The following CFAP251 variants were observed in gnomAD, a reference collection of about 807,000 sequenced individuals.
CFAP251 encodes cilia and flagella associated protein 251, also known as cilia- and flagella-associated protein 251.
Under a neutral mutation model 126.7 loss-of-function variants are expected in CFAP251, and 93 were observed. The ratio of observed to expected loss-of-function variants is 0.73; its 90% confidence interval spans 0.62 to 0.87. The LOEUF is 0.87. CFAP251 is among the 40% of genes least tolerant of loss of function. The pLI is 0.00. For synonymous variants in CFAP251, 503 were observed against 506.9 expected, an observed-to-expected ratio of 0.99 and a Z score of 0.10; for missense variants, 1,287 against 1,389.2, an observed-to-expected ratio of 0.93 and a Z score of 1.17.
At chr12:121,991,352 C>G (rs1882870598) in intron 19 of CFAP251, among the ~76,000 whole-genome samples, 1 of 152,226 alleles carries the variant, frequency 6.6e-6, no homozygotes, top group Admixed American at 6.5e-5. Context: ...CCCATTATTA[C>G]TCTCTACTGA....
In CFAP251 at chr12:122,001,564, A is replaced by T; in HGVS notation, c.3303A>T (p.Gly1101=). 1 of 1,614,044 alleles carries T rather than the reference A, an allele frequency of 6.2e-7. No individual in the cohort carries two copies. The highest frequency in any genetic ancestry group is 1.1e-5 in the South Asian group (1 of 91,072). The change falls in exon 21 of 22, where the codon GGA becomes GGT. Residue 1101 remains glycine (G), a synonymous_variant. Coordinates refer to ENST00000288912, the MANE Select transcript of CFAP251 (RefSeq NM_144668.6). ...FASLFGLNPE[G]WKSEPATCSV... Reference sequence around the variant, plus strand: ...CACTGTTTGGCCTGAATCCCGAGGGATGGAAATCCGAGCCTGCAACCTGCT... The same window carrying T: ...CACTGTTTGGCCTGAATCCCGAGGGTTGGAAATCCGAGCCTGCAACCTGCT...
chr12:121,957,686 A>G (rs1297145681), intron 11 of CFAP251, among the ~76,000 whole-genome samples: 1 of 141,426 alleles, frequency 7.1e-6, no homozygotes, highest in African/African-American at 2.7e-5. Flanking sequence ...CCTGGGCGAC[A>G]GAGCGAGACT....
In CFAP251 at chr12:121,942,925, G is replaced by T. The variant is rs1216001603; in HGVS notation, c.1141G>T (p.Val381Leu). 3 of 1,614,080 alleles carry T rather than the reference G, an allele frequency of 1.9e-6. No homozygotes were observed. The highest frequency in any genetic ancestry group is 2.5e-6 in the Non-Finnish European group (3 of 1,180,044). ...KVCIWKWTLA[V>L]ETPACTLELP... ...ATGCATCTGGAAGTGGACTTTGGCA[G>T]TGGAAACGCCAGCATGCACTCTCGA... The change falls in exon 7 of 22, where the codon GTG (valine) becomes TTG (leucine). Residue 381 changes from valine (V) to leucine (L), a missense_variant. By Grantham distance (32) the Val-to-Leu change is conservative. Transcript: ENST00000288912.
Position 121,975,572 on chromosome 12 carries a change from C to G in CFAP251, c.2893C>G (p.Leu965Val). 1 of 1,607,380 alleles carries G rather than the reference C, an allele frequency of 6.2e-7. No individual in the cohort carries two copies. Among genetic ancestry groups the G allele is most frequent in the Non-Finnish European group, 8.5e-7 (1 of 1,178,418 alleles). Residue 965 changes from leucine (L) to valine (V), a missense_variant, in exon 19 of 22, where the codon CTC becomes GTC. Transcript: ENST00000288912. ...ELEDYFYYSQ[L>V]RSQGIDTMET... ...AGAAGACTACTTCTACTATTCTCAG[C>G]TCCGCAGTCAAGGCATCGACACAAT...
chr12:121,964,638 G>T (rs541127601), intron 15 of CFAP251, among the ~76,000 whole-genome samples: 1 of 152,248 alleles, frequency 6.6e-6, no homozygotes, highest in South Asian at 2.1e-4. Context: ...GGGCGTGGTG[G>T]CTCACGCCCC....
Position 121,934,208 on chromosome 12 carries a change from T to A in CFAP251, c.889-39T>A, listed in dbSNP as rs576542314. 22 of 1,550,198 alleles carry A rather than the reference T, an allele frequency of 1.4e-5. No homozygotes were observed. In the East Asian group the frequency reaches 5.0e-4, roughly 35 times the overall value. On this transcript the variant is annotated intron_variant, in intron 4 of 21. Coordinates refer to ENST00000288912, the MANE Select transcript of CFAP251 (RefSeq NM_144668.6). ...TGATAGTGGCCAAGGCTGGGCCGCA[T>A]CTTGGATGTTTCAAAGCGTTTTCTC...
At chr12:121,986,816 G>A (rs190675733) in intron 19 of CFAP251, among the ~76,000 whole-genome samples, 3 of 151,688 alleles carry the variant, frequency 2.0e-5, no homozygotes, top group Admixed American at 2.0e-4. Flanking sequence ...TAAATAAAAG[G>A]CCGTTTCATT....
intron 17 of CFAP251, among the ~76,000 whole-genome samples, chr12:121,971,389 G>A (rs1222084631): frequency 6.6e-6 from 1 of 152,248 alleles, no homozygotes; most frequent in Non-Finnish European, 1.5e-5. Context: ...GCATGCCTCA[G>A]TGAGAGGACC....
chr12:121,972,640 C>T (rs1882364955), intron 17 of CFAP251, among the ~76,000 whole-genome samples: 1 of 152,086 alleles, frequency 6.6e-6, no homozygotes, highest in African/African-American at 2.4e-5. Flanking sequence ...AGGTGTGTGC[C>T]ACCATGCCTG....
At chr12:121,928,672 A>ATATATG in intron 3 of CFAP251, among the ~76,000 whole-genome samples, 1 of 19,310 alleles carries the variant, frequency 5.2e-5, no homozygotes, top group Non-Finnish European at 1.0e-4. Context: ...ATATATACGT[A>ATATATG]TATATATATA....
At chr12:121,965,105 A>G (rs1882077060) in intron 15 of CFAP251, among the ~76,000 whole-genome samples, 1 of 152,184 alleles carries the variant, frequency 6.6e-6, no homozygotes, top group South Asian at 2.1e-4. Flanking sequence ...TCTTTTTGTG[A>G]TAAATCCAAA....
Position 121,999,869 on chromosome 12 carries a change from G to C in CFAP251, c.3160G>C (p.Val1054Leu). ...TMSGIHKSFE[V>L]LGYTNSKGKK... ...GAGTGGCATCCACAAGAGCTTTGAGGTGCTCGGTTATACCAACTCCAAAGG... is the reference window on the plus strand; with the variant it reads ...GAGTGGCATCCACAAGAGCTTTGAGCTGCTCGGTTATACCAACTCCAAAGG... Residue 1054 changes from valine to leucine, a missense_variant, in exon 20 of 22, where the codon GTG becomes CTG. By Grantham distance (32) the Val-to-Leu change is conservative. Coordinates refer to ENST00000288912, the MANE Select transcript of CFAP251 (RefSeq NM_144668.6). The C allele has an allele frequency of 6.2e-7, 1 of 1,614,142 alleles. No homozygotes were observed. Among genetic ancestry groups the C allele is most frequent in the Non-Finnish European group, 8.5e-7 (1 of 1,180,018 alleles).
chr12:121,974,018 C>G lies in CFAP251; in HGVS notation c.2772-1226C>G, dbSNP rs990185575. Among the ~76,000 whole-genome samples, 1 of 152,022 alleles carries G rather than the reference C, an allele frequency of 6.6e-6. No homozygotes were observed. Among genetic ancestry groups the G allele is most frequent in the African/African-American group, 2.4e-5 (1 of 41,378 alleles). ...GGAATGATATGGTTTGGCTGTGTCTCCACCCAAATCTCATCTTGAATTGTA... is the reference window on the plus strand; with the variant it reads ...GGAATGATATGGTTTGGCTGTGTCTGCACCCAAATCTCATCTTGAATTGTA... On this transcript the variant is annotated intron_variant, in intron 17 of 21. Transcript: ENST00000288912. The surrounding 1 kb of genome is among the most constrained non-coding windows in gnomAD (Gnocchi z 4.6).
At chr12:121,930,666 A>AT (rs1251002921) in intron 3 of CFAP251, among the ~76,000 whole-genome samples, 7 of 151,820 alleles carry the variant, frequency 4.6e-5, no homozygotes, top group African/African-American at 1.4e-4. Flanking sequence ...TTCTGAAGAG[A>AT]TTTTGTCTCT....
intron 3 of CFAP251, among the ~76,000 whole-genome samples, chr12:121,928,565 C>T (rs537052179): frequency 6.7e-6 from 1 of 149,510 alleles, no homozygotes; most frequent in South Asian, 2.1e-4. Context: ...CAACGCAACG[C>T]ATCACTTTCA....
chr12:121,925,090 C>T (rs924892001), intron 3 of CFAP251, among the ~76,000 whole-genome samples: 2 of 151,978 alleles, frequency 1.3e-5, no homozygotes, highest in African/African-American at 4.8e-5. Context: ...CCCCTTCTTG[C>T]CTCACCTCTT....
intron 11 of CFAP251, among the ~76,000 whole-genome samples, 174 bp downstream of exon 11, chr12:121,957,442 C>G (rs984985282): frequency 6.6e-6 from 1 of 151,922 alleles, no homozygotes; most frequent in Admixed American, 6.6e-5. Flanking sequence ...TGGTGGCTCA[C>G]GCCTGTAATC....
chr12:121,999,639 T>G, intron 19 of CFAP251, 77 bp from the exon 20 acceptor site: 1 of 1,174,614 alleles, frequency 8.5e-7, no homozygotes, highest in African/African-American at 1.5e-5. Context: ...CCAGCCCTAC[T>G]GTCCAATTTT....
intron 17 of CFAP251, 111 bp from the exon 18 acceptor site, chr12:121,975,133 G>T (rs1882423871): frequency 1.3e-6 from 1 of 798,498 alleles, no homozygotes. Flanking sequence ...GACCCTAACT[G>T]TATCTGTGCT....
Sources: allele counts gnomAD v4.1 joint callset (sites outside exome capture counted in the v4.1 genomes callset), GRCh38; gene constraint gnomAD v4.1.1; non-coding constraint Gnocchi (gnomAD v3.1); transcripts MANE v1.5; gene names NCBI Gene and HGNC (gene_info 2026-07-23, HGNC 2026-07-21).